PZP: variants seen among roughly 807,000 people sequenced by gnomAD.
PZP encodes PZP alpha-2-macroglobulin like, also known as pregnancy zone protein.
A neutral mutation model predicts 179.8 loss-of-function variants in PZP; 150 were observed. The ratio of observed to expected loss-of-function variants is 0.83; its 90% CI spans 0.73 to 0.96. PZP has a LOEUF of 0.96. Ranked by LOEUF, PZP falls within the 40% of genes least tolerant of loss-of-function variation. PZP has a pLI of 0.00. For synonymous variants in PZP, 624 were observed against 652.3 expected (o/e 0.96, Z 0.66); for missense variants, 1,689 against 1,764.0 (o/e 0.96, Z 0.76).
chr12:9,162,579 A>G lies in PZP; in HGVS notation c.2788+18T>C. The G allele has an allele frequency of 6.5e-7, 1 of 1,545,774 alleles. No homozygotes were observed. Among genetic ancestry groups the G allele is most frequent in the Non-Finnish European group, 8.9e-7 (1 of 1,120,842 alleles). On this transcript the variant is annotated intron_variant, in intron 22 of 35. Transcript: ENST00000261336. ...TTGTGGTTTTGATCTCACTATGATT[A>G]TGAAGATGGACTCTTACCTGAGGCA...
At chr12:9,157,377 G>A in intron 27 of PZP, 22 bp from the exon 28 acceptor site, 1 of 1,600,962 alleles carries the variant, frequency 6.2e-7, no homozygotes, top group South Asian at 1.1e-5. Flanking sequence ...AAATGTGGTT[G>A]TGTCAAACTA....
intron 22 of PZP, among the ~76,000 whole-genome samples, chr12:9,161,552 A>G (rs972530464): frequency 3.3e-5 from 5 of 152,204 alleles, no homozygotes; most frequent in Admixed American, 1.3e-4. Flanking sequence ...AAAGAAGCCT[A>G]AGACTTAGTG....
intron 1 of PZP, among the ~76,000 whole-genome samples, chr12:9,206,312 C>T (rs776229740): frequency 6.3e-4 from 95 of 151,626 alleles, no homozygotes; most frequent in South Asian, 4.2e-4. Flanking sequence ...AAAGATATCA[C>T]GATTAAAAAT....
rs149754666 is a variant in PZP at position 9,164,107 on chromosome 12, A to G, written c.2614+26T>C. On this transcript the variant is annotated intron_variant, in intron 20 of 35. Transcript: ENST00000261336. The stretch of plus-strand genomic sequence containing the variant: ...ACAGCCACCGTCCTTGTTGATTGAT[A>G]GGCCCTTTTGGGTACTGTCACTCAC... 4,038 of 1,597,422 alleles carry G rather than the reference A, an allele frequency of 2.5e-3. 11 individuals are homozygous for G. Among genetic ancestry groups the G allele is most frequent in the Non-Finnish European group, 2.9e-3 (3,371 of 1,166,660 alleles).
intron 15 of PZP, among the ~76,000 whole-genome samples, chr12:9,179,500 G>A (rs1192675340): frequency 6.6e-6 from 1 of 152,158 alleles, no homozygotes; most frequent in Non-Finnish European, 1.5e-5. Context: ...TTTAGTCTGT[G>A]AATCAACATT....
chr12:9,161,800 A>G lies in PZP; in HGVS notation c.2789-684T>C, dbSNP rs149424134. 2.2e-3 allele frequency among the ~76,000 whole-genome samples: 341 copies of G among 152,326 alleles called. 1 individual carries two copies. Among genetic ancestry groups the G allele is most frequent in the African/African-American group, 7.8e-3 (325 of 41,558 alleles). ...TAAAAGCTACAACTACTTCTTAATG[A>G]TATGATGAACTTAAATGTAAATTAT... On this transcript the variant is annotated intron_variant, in intron 22 of 35. Coordinates refer to ENST00000261336, the MANE Select transcript of PZP (RefSeq NM_002864.3).
At chr12:9,196,931 A>G (rs915584251) in intron 8 of PZP, 81 bp downstream of exon 8, 3 of 1,114,948 alleles carry the variant, frequency 2.7e-6, no homozygotes, top group Non-Finnish European at 4.0e-6. Flanking sequence ...GCTTGTCCTG[A>G]TGCCCTCTTT....
Position 9,160,332 on chromosome 12 carries a change from C to T in PZP, c.3031G>A (p.Val1011Ile), listed in dbSNP as rs539780334. 46 of 1,611,492 alleles carry T rather than the reference C, an allele frequency of 2.9e-5. No homozygotes were observed. In the South Asian group the frequency reaches 3.3e-4, roughly 12 times the overall value. ...QLTQEIKAKA[V>I]GYLITGYQRQ... Reference sequence around the variant, plus strand: ...CACTTACCAGTGATGAGATAGCCAACGGCCTTGGCCTTGATCTCCTGCGTC... The same window carrying T: ...CACTTACCAGTGATGAGATAGCCAATGGCCTTGGCCTTGATCTCCTGCGTC... The change falls in exon 24 of 36, where the codon GTT becomes ATT. Residue 1011 changes from valine to isoleucine, a missense_variant. This residue lies in a region of PZP where 746 missense variants were observed against 749.2 expected (regional missense o/e 1.00). Transcript: ENST00000261336.
Position 9,169,607 on chromosome 12 carries a change from G to C in PZP, c.1840-16C>G, listed in dbSNP as rs759340902. 1 of 1,574,010 alleles carries C rather than the reference G, an allele frequency of 6.4e-7. No homozygotes were observed. The highest frequency in any genetic ancestry group is 8.6e-7 in the Non-Finnish European group (1 of 1,164,128). Reference sequence around the variant, plus strand: ...GATTATATACCTGTAGCAGTGGGGGGATCAAAGGCAGAACTGTTACTTACT... The same window carrying C: ...GATTATATACCTGTAGCAGTGGGGGCATCAAAGGCAGAACTGTTACTTACT... On this transcript the variant is annotated splice_polypyrimidine_tract_variant and intron_variant, in intron 15 of 35. Coordinates refer to ENST00000261336, the MANE Select transcript of PZP (RefSeq NM_002864.3).
the PZP span, among the ~76,000 whole-genome samples, chr12:9,143,115 T>C: frequency 6.6e-6 from 1 of 152,202 alleles, no homozygotes; most frequent in Non-Finnish European, 1.5e-5. Context: ...GGGTGAGGGT[T>C]GAGGTTAGAA....
intron 34 of PZP, among the ~76,000 whole-genome samples, chr12:9,150,181 A>C (rs1940244418): frequency 6.6e-6 from 1 of 152,246 alleles, no homozygotes; most frequent in Non-Finnish European, 1.5e-5. Context: ...AAACTACTTG[A>C]AAGCAGTGAC....
At chr12:9,146,169 A>G (rs1939997824), downstream of PZP, among the ~76,000 whole-genome samples, 1 of 151,990 alleles carries the variant, frequency 6.6e-6, no homozygotes, top group African/African-American at 2.4e-5. Context: ...ATAATGGTCA[A>G]TTTGATGGTG....
Position 9,161,083 on chromosome 12 carries a change from A to C in PZP, c.2822T>G (p.Leu941Arg). The stretch of plus-strand genomic sequence containing the variant: ...AGATTCTTTGACCACATTTGATGGG[A>C]GCTTCAAGGACAACTGCTCAGACAC... Reference protein sequence around the residue: ...ANVSEQLSLKLPSNVVKESAR... With the variant: ...ANVSEQLSLKRPSNVVKESAR... The change falls in exon 23 of 36, where the codon CTC becomes CGC. Residue 941 changes from leucine to arginine, a missense_variant. Around this residue, in one of 3 missense-constraint regions of PZP, gnomAD observed 746 missense variants for 749.2 expected, o/e 1.00. Coordinates refer to ENST00000261336, the MANE Select transcript of PZP (RefSeq NM_002864.3). 1.2e-6 allele frequency: 2 copies of C among 1,602,300 alleles called. No individual in the cohort carries two copies. Among genetic ancestry groups the C allele is most frequent in the Non-Finnish European group, 1.7e-6 (2 of 1,170,152 alleles).
intron 29 of PZP, among the ~76,000 whole-genome samples, chr12:9,154,367 C>T (rs760552638): frequency 4.3e-4 from 65 of 152,214 alleles, no homozygotes; most frequent in Middle Eastern, 3.4e-3. Flanking sequence ...ATGACCATAG[C>T]GTGGCTTTAG....
chr12:9,183,595 T>A (rs1361038886), intron 13 of PZP, among the ~76,000 whole-genome samples: 1 of 152,172 alleles, frequency 6.6e-6, no homozygotes, highest in African/African-American at 2.4e-5. Flanking sequence ...AGAGATAGGA[T>A]CTTGCTATGT....
chr12:9,157,320 C>T lies in PZP; in HGVS notation c.3405G>A (p.Glu1135=), dbSNP rs936603389. 2 of 1,613,998 alleles carry T rather than the reference C, an allele frequency of 1.2e-6. No homozygotes were observed. The highest frequency in any genetic ancestry group is 1.7e-6 in the Non-Finnish European group (2 of 1,179,958). ...CCTCCTTTGCTACATTCCAGGCTGA[C>T]TCCAGGCAGAACAGGGCATTGCGAA... ...PIVRNALFCL[E]SAWNVAKEGT... Residue 1135 remains glutamate (E), a synonymous_variant, in exon 28 of 36, where the codon GAG becomes GAA. Coordinates refer to ENST00000261336, the MANE Select transcript of PZP (RefSeq NM_002864.3).
chr12:9,182,233 A>G, intron 13 of PZP, 116 bp from the exon 14 acceptor site: 2 of 962,390 alleles, frequency 2.1e-6, no homozygotes, highest in Non-Finnish European at 2.9e-6. Context: ...GCGTCCATTC[A>G]TTCTAATGGC....
At chr12:9,206,205 T>C (rs1944431357) in intron 1 of PZP, among the ~76,000 whole-genome samples, 1 of 151,820 alleles carries the variant, frequency 6.6e-6, no homozygotes, top group South Asian at 2.1e-4. Flanking sequence ...TACATCCCCA[T>C]CAAAAAATTT....
chr12:9,168,794 T>A, intron 17 of PZP, 75 bp downstream of exon 17: 1 of 1,103,290 alleles, frequency 9.1e-7, no homozygotes, highest in Non-Finnish European at 1.4e-6. Context: ...AGGGCTACAT[T>A]ACCTCATTTT....
Sources: allele counts gnomAD v4.1 joint callset (sites outside exome capture counted in the v4.1 genomes callset), GRCh38; gene constraint gnomAD v4.1.1; regional missense constraint gnomAD v4.1.1; transcripts MANE v1.5; gene names NCBI Gene and HGNC (gene_info 2026-07-23, HGNC 2026-07-21).